RHBDL2: variants seen among roughly 807,000 people sequenced by gnomAD.
RHBDL2 encodes the protein rhomboid like 2.
A neutral mutation model predicts 31.7 loss-of-function variants in RHBDL2; 26 were observed. The observed-to-expected ratio is 0.82, with a 90% CI of 0.60 to 1.14. RHBDL2 has a LOEUF of 1.14. RHBDL2 is among the 50% of genes most tolerant of loss of function. RHBDL2 has a pLI of 0.00. For synonymous variants in RHBDL2, 123 were observed against 127.2 expected (o/e 0.97, Z 0.22); for missense variants, 336 against 364.4 (o/e 0.92, Z 0.63).
chr1:38,915,130 T>C (rs1247042748), intron 3 of RHBDL2, among the ~76,000 whole-genome samples: 1 of 151,586 alleles, frequency 6.6e-6, no homozygotes, highest in Non-Finnish European at 1.5e-5. Context: ...AACAAGTGAC[T>C]ACATCTTTTT....
At chr1:38,918,104 C>G (rs1335811240) in intron 2 of RHBDL2, among the ~76,000 whole-genome samples, 1 of 152,092 alleles carries the variant, frequency 6.6e-6, no homozygotes, top group Non-Finnish European at 1.5e-5. Context: ...TTTGGACTTG[C>G]CAAGTCTCCA....
In RHBDL2 at chr1:38,886,285, C is replaced by A. The variant is rs1220774487; in HGVS notation, c.*219G>T. 3.1e-6 allele frequency: 1 copy of A among 325,036 alleles called. No individual in the cohort carries two copies. 20.1% of individuals were successfully genotyped at this position (325,036 alleles called of 1,614,324 possible). A position where few individuals can be genotyped will look rare whatever the true frequency, so the allele number is the denominator to read the frequency against. ...CTCTAGTTTTTACTACCCTTCTTTT[C>A]TCTCTTCTTCTTCCCTTTCTACATT... On this transcript the variant is annotated 3_prime_UTR_variant, in exon 8 of 8. Coordinates refer to ENST00000372990, the MANE Select transcript of RHBDL2 (RefSeq NM_017821.5).
At chr1:38,927,374 C>T (rs1307251438) in intron 1 of RHBDL2, among the ~76,000 whole-genome samples, 1 of 152,140 alleles carries the variant, frequency 6.6e-6, no homozygotes, top group Non-Finnish European at 1.5e-5. Flanking sequence ...TTGCGGTGAG[C>T]CGAGATCGCG....
intron 1 of RHBDL2, among the ~76,000 whole-genome samples, chr1:38,920,707 C>T (rs1424364807): frequency 1.3e-5 from 2 of 150,648 alleles, no homozygotes; most frequent in Non-Finnish European, 3.0e-5. Flanking sequence ...CCCGGGTTCA[C>T]ACCATTTTCC....
chr1:38,937,819 G>T (rs1643526124), intron 1 of RHBDL2, among the ~76,000 whole-genome samples: 1 of 152,086 alleles, frequency 6.6e-6, no homozygotes, highest in South Asian at 2.1e-4. Context: ...ACAGCTGAGG[G>T]CAAAGTACCA....
intron 1 of RHBDL2, among the ~76,000 whole-genome samples, chr1:38,935,965 T>A (rs979902253): frequency 6.6e-6 from 1 of 151,988 alleles, no homozygotes; most frequent in Non-Finnish European, 1.5e-5. Context: ...CAGGCTGGAG[T>A]GCAGTGATGC....
In RHBDL2 at chr1:38,911,366, T is replaced by C. The variant is rs202098558; in HGVS notation, c.464A>G (p.Lys155Arg). The change falls in exon 4 of 8, where the codon AAA becomes AGA. Residue 155 changes from lysine (K) to arginine (R), a missense_variant. Coordinates refer to ENST00000372990, the MANE Select transcript of RHBDL2 (RefSeq NM_017821.5). ...VLGIPLEMVH[K>R]GLRVGLVYLA... ...GTACACCAGCCCCACACGGAGGCCT[T>C]TGTGGACCATTTCCAAGGGAATACC... 4 of 1,614,020 alleles carry C rather than the reference T, an allele frequency of 2.5e-6. No homozygotes were observed. Among genetic ancestry groups the C allele is most frequent in the Non-Finnish European group, 3.4e-6 (4 of 1,179,974 alleles).
chr1:38,904,150 T>C (rs986988931), intron 4 of RHBDL2, among the ~76,000 whole-genome samples: 1 of 152,112 alleles, frequency 6.6e-6, no homozygotes, highest in Admixed American at 6.6e-5. Flanking sequence ...CTAGGAGAAA[T>C]CTTGGTGATT....
At chr1:38,894,297 A>T (rs1331545483) in intron 5 of RHBDL2, among the ~76,000 whole-genome samples, 1 of 151,942 alleles carries the variant, frequency 6.6e-6, no homozygotes, top group Non-Finnish European at 1.5e-5. Context: ...ATTGCTTTAC[A>T]CTTTTCTACC....
At chr1:38,909,250 C>T (rs1250674600) in intron 4 of RHBDL2, among the ~76,000 whole-genome samples, 1 of 152,072 alleles carries the variant, frequency 6.6e-6, no homozygotes, top group Non-Finnish European at 1.5e-5. Flanking sequence ...CACCTAGTTC[C>T]GTGGGCACAG....
chr1:38,939,414 C>T (rs1643539860), intron 1 of RHBDL2, among the ~76,000 whole-genome samples: 1 of 152,132 alleles, frequency 6.6e-6, no homozygotes, highest in African/African-American at 2.4e-5. Context: ...GTAATCCCCA[C>T]ACTTTGGGAG....
At chr1:38,911,636 GTGTGTGTGTGC>G (rs761174784) in intron 3 of RHBDL2, among the ~76,000 whole-genome samples, 1 of 70,098 alleles carries the variant, frequency 1.4e-5, no homozygotes. Flanking sequence ...GTGTGTGTGT[GTGTGTGTGTGC>G]GCGCGCGCGC....
chr1:38,920,166 CT>C (rs71057165), intron 1 of RHBDL2, among the ~76,000 whole-genome samples: 12 of 111,390 alleles, frequency 1.1e-4, no homozygotes, highest in Middle Eastern at 6.2e-3. Flanking sequence ...CACATGTTTT[CT>C]TTTTTTTTTT....
At chr1:38,902,600 T>C (rs1364473580) in intron 4 of RHBDL2, among the ~76,000 whole-genome samples, 1 of 151,986 alleles carries the variant, frequency 6.6e-6, no homozygotes, top group Non-Finnish European at 1.5e-5. Flanking sequence ...TTTTGTATTT[T>C]TAATAGAGAC....
Position 38,886,387 on chromosome 1 carries a change from C to T in RHBDL2, c.*117G>A. ...CTGATGAGTTTAATGCTGTTTTGTCCTCTATATAAAATTGTTAGCCTTTTC... is the reference window on the plus strand; with the variant it reads ...CTGATGAGTTTAATGCTGTTTTGTCTTCTATATAAAATTGTTAGCCTTTTC... On this transcript the variant is annotated 3_prime_UTR_variant, in exon 8 of 8. Coordinates refer to ENST00000372990, the MANE Select transcript of RHBDL2 (RefSeq NM_017821.5). 1.4e-6 allele frequency: 1 copy of T among 690,164 alleles called. No homozygotes were observed. The highest frequency in any genetic ancestry group is 3.5e-5 in the South Asian group (1 of 28,378). 42.8% of individuals were successfully genotyped at this position (690,164 alleles called of 1,614,324 possible). A position where few individuals can be genotyped will look rare whatever the true frequency, so the allele number is the denominator to read the frequency against.
At chr1:38,896,219 A>C (rs1642917407) in intron 4 of RHBDL2, 150 bp from the exon 5 acceptor site, 3 of 595,870 alleles carry the variant, frequency 5.0e-6, no homozygotes, top group Non-Finnish European at 9.1e-6. Context: ...CCATAGAAGC[A>C]TAGCTGTATA....
At chr1:38,900,276 C>T (rs1448172993) in intron 4 of RHBDL2, among the ~76,000 whole-genome samples, 9 of 152,026 alleles carry the variant, frequency 5.9e-5, no homozygotes, top group Admixed American at 3.9e-4. Context: ...AAAAATTAGC[C>T]GGGTATGGTG....
intron 1 of RHBDL2, among the ~76,000 whole-genome samples, chr1:38,931,397 T>C (rs1643437327): frequency 1.3e-5 from 2 of 151,930 alleles, no homozygotes; most frequent in Admixed American, 1.3e-4. Context: ...GGCGGGCGCC[T>C]GTAGTCACAG....
chr1:38,922,004 G>T (rs1643322286), intron 1 of RHBDL2, among the ~76,000 whole-genome samples: 1 of 152,140 alleles, frequency 6.6e-6, no homozygotes, highest in Non-Finnish European at 1.5e-5. Flanking sequence ...TATAAAAGGA[G>T]CTACAAAAAT....
Sources: allele counts gnomAD v4.1 joint callset (sites outside exome capture counted in the v4.1 genomes callset), GRCh38; gene constraint gnomAD v4.1.1; transcripts MANE v1.5; gene names NCBI Gene and HGNC (gene_info 2026-07-23, HGNC 2026-07-21).